Variants in OTOF observed in about 807,000 individuals in gnomAD.
The protein encoded by OTOF is fer-1-like family member 2.
OTOF carries 218 observed loss-of-function variants against 236.8 expected under a neutral mutation model. The observed-to-expected ratio is 0.92, with a 90% CI of 0.82 to 1.03. The LOEUF (loss-of-function observed/expected upper bound fraction) is 1.03, where lower values mean the gene tolerates loss of function less well. Among genes scored for constraint, OTOF ranks in the 50% least tolerant of loss-of-function variants. The probability of loss-of-function intolerance (pLI) is 0.00; values close to 1 mark genes in which losing one functional copy is unlikely to be tolerated. For synonymous variants in OTOF, 1,041 were observed against 1,072.5 expected (o/e 0.97, Z 0.57); for missense variants, 2,590 against 2,694.4 (o/e 0.96, Z 0.86).
At chr2:26,480,124 C>T (rs1184567329) in intron 16 of OTOF, 79 bp downstream of exon 16, 10 of 834,426 alleles carry the variant, frequency 1.2e-5, no homozygotes, top group East Asian at 7.2e-5. Flanking sequence ...CTCACACTTA[C>T]CACCTGCAGC....
Position 26,558,750 on chromosome 2 carries a change from G to A in OTOF, c.-179C>T, listed in dbSNP as rs912213613. 1.9e-5 allele frequency: 11 copies of A among 594,536 alleles called. No homozygotes were observed. The highest frequency in any genetic ancestry group is 1.1e-4 in the African/African-American group (6 of 53,778). The allele number at this position is 594,536 out of a possible 1,614,324, so 36.8% of individuals were successfully genotyped here. The stretch of plus-strand genomic sequence containing the variant: ...AGCCGAGCTAAGCTGCTCCTGCAGC[G>A]ACTCACAGAGCCTCACAGCCCCCGC... On this transcript the variant is annotated 5_prime_UTR_variant, in exon 1 of 47. Coordinates refer to ENST00000272371, the MANE Select transcript of OTOF (RefSeq NM_194248.3).
chr2:26,458,685 T>G (rs1376729889), intron 46 of OTOF, among the ~76,000 whole-genome samples: 1 of 152,208 alleles, frequency 6.6e-6, no homozygotes, highest in Non-Finnish European at 1.5e-5. Context: ...ACTCTCAGGA[T>G]GAAGACCCAC....
intron 9 of OTOF, among the ~76,000 whole-genome samples, chr2:26,492,577 A>G (rs925505162): frequency 6.6e-6 from 1 of 152,194 alleles, no homozygotes; most frequent in Non-Finnish European, 1.5e-5. Flanking sequence ...GGCAGCCTCC[A>G]TGTTGCCCCA....
At chr2:26,496,409 A>AT (rs57785519) in intron 8 of OTOF, among the ~76,000 whole-genome samples, 9,640 of 146,966 alleles carry the variant, frequency 0.066, 1,046 homozygotes, top group African/African-American at 0.23. Flanking sequence ...TAATTTTTGT[A>AT]TTTTTTTTTT....
At position 26,477,885 on chromosome 2, in the gene OTOF, G is replaced by A. The variant is rs371848783; in HGVS notation, c.2215-136C>T. Reference sequence around the variant, plus strand: ...TCTCGCTAGGGCCATCCTGAGTATCGGTCATCATGAGGAAGTCATCAATTT... The same window carrying A: ...TCTCGCTAGGGCCATCCTGAGTATCAGTCATCATGAGGAAGTCATCAATTT... On this transcript the variant is annotated intron_variant, in intron 18 of 46. Coordinates refer to ENST00000272371, the MANE Select transcript of OTOF (RefSeq NM_194248.3). This position sits in a 1 kb window ranked among gnomAD's most constrained non-coding sequence, Gnocchi z 4.7. 27 of 1,544,888 alleles carry A rather than the reference G, an allele frequency of 1.7e-5. No homozygotes were observed. Among genetic ancestry groups the A allele is most frequent in the Admixed American group, 4.0e-5 (2 of 50,444 alleles).
intron 3 of OTOF, among the ~76,000 whole-genome samples, chr2:26,526,130 T>A (rs373462957): frequency 1.4e-5 from 2 of 142,350 alleles, no homozygotes; most frequent in Admixed American, 7.1e-5. Context: ...GGTGGAAGGA[T>A]GGATGAATGG....
chr2:26,498,042 T>C (rs921880962), intron 8 of OTOF, among the ~76,000 whole-genome samples: 5 of 152,224 alleles, frequency 3.3e-5, no homozygotes, highest in Admixed American at 6.5e-5. Flanking sequence ...AGTTTTGGCA[T>C]CTACCGAAGA....
At chr2:26,552,220 T>C (rs1667479299) in intron 1 of OTOF, among the ~76,000 whole-genome samples, 2 of 151,450 alleles carry the variant, frequency 1.3e-5, no homozygotes, top group African/African-American at 4.8e-5. Flanking sequence ...TGAAACCCCA[T>C]CTCTACTAAA....
At chr2:26,531,253 C>T (rs1170933530) in intron 2 of OTOF, among the ~76,000 whole-genome samples, 2 of 152,200 alleles carry the variant, frequency 1.3e-5, no homozygotes, top group Non-Finnish European at 2.9e-5. Context: ...CTTCTGACAA[C>T]ACCGAGGCTT....
At chr2:26,544,971 G>A (rs1667295794) in intron 1 of OTOF, among the ~76,000 whole-genome samples, 1 of 151,606 alleles carries the variant, frequency 6.6e-6, no homozygotes, top group Non-Finnish European at 1.5e-5. Flanking sequence ...AACCCGGGAG[G>A]CAAAGGTTGC....
chr2:26,461,192 C>A lies in OTOF; in HGVS notation c.5534-162G>T, dbSNP rs1664448003. On this transcript the variant is annotated intron_variant, in intron 43 of 46. Coordinates refer to ENST00000272371, the MANE Select transcript of OTOF (RefSeq NM_194248.3). This position sits in a 1 kb window ranked among gnomAD's most constrained non-coding sequence, Gnocchi z 6.2. ...TCCCAGCAACTGGCCTCAATGCAGG[C>A]ATCCTCGTGGGCTTGCTAGGCAGCC... Among the ~76,000 whole-genome samples the A allele has an allele frequency of 6.6e-6, 1 of 152,140 alleles. No homozygotes were observed. Among genetic ancestry groups the A allele is most frequent in the African/African-American group, 2.4e-5 (1 of 41,436 alleles).
At chr2:26,483,367 T>C in intron 13 of OTOF, 95 bp downstream of exon 13, 1 of 1,171,768 alleles carries the variant, frequency 8.5e-7, no homozygotes, top group Non-Finnish European at 1.3e-6. Flanking sequence ...CAGCCTTGTC[T>C]TACCTGCCCA....
chr2:26,531,763 C>T (rs576734907), intron 2 of OTOF, among the ~76,000 whole-genome samples: 1 of 152,218 alleles, frequency 6.6e-6, no homozygotes, highest in East Asian at 1.9e-4. Context: ...CTACACTCCT[C>T]TCCTGACTAT....
rs370116557 is a variant in OTOF, at chr2:26,474,084, C to T, written c.3315G>A (p.Leu1105=). The part of the protein sequence containing the change: ...LQIGPAGKAD[L]PPINGPVDVD... ...CGTCCACCGGGCCATTGATGGGGGG[C>T]AGGTCAGCCTTCCCTGCTGGTCCAA... Residue 1105 remains leucine (L), a synonymous_variant, in exon 27 of 47, where the codon CTG becomes CTA. Transcript: ENST00000272371. 6.2e-6 allele frequency: 10 copies of T among 1,612,868 alleles called. No individual in the cohort carries two copies. The East Asian group carries it at 6.7e-5, about 11-fold the overall frequency.
At chr2:26,491,360 G>A (rs1468001701) in intron 9 of OTOF, among the ~76,000 whole-genome samples, 1 of 152,164 alleles carries the variant, frequency 6.6e-6, no homozygotes, top group Non-Finnish European at 1.5e-5. Flanking sequence ...TGGTCTGACT[G>A]TGGAGGGGTG....
In OTOF at chr2:26,477,524, C is replaced by G; in HGVS notation, c.2316-18G>C. On this transcript the variant is annotated intron_variant, in intron 19 of 46. Coordinates refer to ENST00000272371, the MANE Select transcript of OTOF (RefSeq NM_194248.3). The surrounding 1 kb of genome is among the most constrained non-coding windows in gnomAD (Gnocchi z 4.7). ...GGAAGCGGCTGGGGGTAGGGCGAGCCGGGGTTTAGCGAGCCTGACCAGCAG... is the reference window on the plus strand; with the variant it reads ...GGAAGCGGCTGGGGGTAGGGCGAGCGGGGGTTTAGCGAGCCTGACCAGCAG... The G allele has an allele frequency of 6.3e-7, 1 of 1,597,604 alleles. No homozygotes were observed. The highest frequency in any genetic ancestry group is 8.5e-7 in the Non-Finnish European group (1 of 1,172,070).
At chr2:26,479,199 A>C in intron 18 of OTOF, 65 bp downstream of exon 18, 4 of 1,589,476 alleles carry the variant, frequency 2.5e-6, no homozygotes, top group Non-Finnish European at 3.4e-6. Flanking sequence ...GTTCCAGGGA[A>C]GGCCCTCTGA....
intron 9 of OTOF, among the ~76,000 whole-genome samples, chr2:26,493,645 C>T (rs1665902251): frequency 6.6e-6 from 1 of 152,180 alleles, no homozygotes; most frequent in South Asian, 2.1e-4. Context: ...GCTCATGCAC[C>T]TAGAAGGACA....
intron 8 of OTOF, among the ~76,000 whole-genome samples, chr2:26,499,028 G>C (rs1433877645): frequency 6.6e-6 from 1 of 152,132 alleles, no homozygotes; most frequent in Non-Finnish European, 1.5e-5. Context: ...AGTGGCAGGG[G>C]CATGAAATGG....
Sources: gnomAD v4.1 joint callset for allele counts (sites outside exome capture counted in the v4.1 genomes callset) on GRCh38, gnomAD v4.1.1 for gene constraint, Gnocchi (gnomAD v3.1) non-coding constraint, MANE v1.5 for transcripts, NCBI Gene and HGNC (gene_info 2026-07-23, HGNC 2026-07-21) for gene names.